PCDH15: variants seen among roughly 807,000 people sequenced by gnomAD.
The protein encoded by PCDH15 is protocadherin related 15, also known as protocadherin-15.
Under a neutral mutation model 178.5 loss-of-function variants are expected in PCDH15, and 129 were observed. The observed-to-expected ratio is 0.72, with a 90% confidence interval of 0.63 to 0.84. The LOEUF (loss-of-function observed/expected upper bound fraction) is 0.84, where lower values mean the gene tolerates loss of function less well. Ranked by LOEUF, PCDH15 falls within the 40% of genes least tolerant of loss-of-function variation. The pLI, the probability that PCDH15 is intolerant of heterozygous loss-of-function variation, is 0.00. For synonymous variants in PCDH15, 800 were observed against 732.0 expected (o/e 1.09, Z -1.50); for missense variants, 2,230 against 2,099.9 (o/e 1.06, Z -1.21).
At chr10:55,233,795 CT>C (rs1474357048) in intron 1 of PCDH15, among the ~76,000 whole-genome samples, 2 of 152,044 alleles carry the variant, frequency 1.3e-5, no homozygotes, top group African/African-American at 4.8e-5. Flanking sequence ...TAATTATTTC[CT>C]TTATTTTCTT....
intron 2 of PCDH15, among the ~76,000 whole-genome samples, chr10:55,454,553 G>A (rs532796886): frequency 7.3e-5 from 11 of 151,196 alleles, no homozygotes; most frequent in Middle Eastern, 6.9e-3. Flanking sequence ...TGAGGTGGGC[G>A]GATCATGAGA....
intron 3 of PCDH15, among the ~76,000 whole-genome samples, chr10:54,859,799 T>C (rs182761322): frequency 1.4e-3 from 218 of 151,932 alleles, no homozygotes; most frequent in Non-Finnish European, 2.4e-3. Context: ...TATGTGAACC[T>C]GAACAAATTA....
chr10:54,878,159 C>T (rs1954187385), intron 3 of PCDH15, among the ~76,000 whole-genome samples: 1 of 151,534 alleles, frequency 6.6e-6, no homozygotes, highest in South Asian at 2.1e-4. Flanking sequence ...GACGGGGTTT[C>T]GCCATGTTGT....
At chr10:54,766,917 G>A (rs376607887) in intron 1 of PCDH15, among the ~76,000 whole-genome samples, 19 of 150,422 alleles carry the variant, frequency 1.3e-4, no homozygotes, top group African/African-American at 1.7e-4. Context: ...GCGACAGAGC[G>A]AGACTCCATC....
rs903008588 is a variant in PCDH15, at chr10:55,608,184, C to A, written c.-156+19441G>T. On this transcript the variant is annotated intron_variant, in intron 2 of 5. Coordinates refer to the PCDH15 transcript ENST00000613346. Reference sequence around the variant, plus strand: ...AATTACAAACTTCACAGAAGAGACACAGCGAGTGACTATAATTTGTAAAAC... The same window carrying A: ...AATTACAAACTTCACAGAAGAGACAAAGCGAGTGACTATAATTTGTAAAAC... Among the ~76,000 whole-genome samples the A allele has an allele frequency of 4.0e-5, 6 of 150,716 alleles. No individual in the cohort carries two copies. The South Asian group carries it at 6.3e-4, about 16-fold the overall frequency.
At chr10:54,572,249 G>A (rs1260659571) in intron 2 of PCDH15, among the ~76,000 whole-genome samples, 1 of 151,966 alleles carries the variant, frequency 6.6e-6, no homozygotes, top group Non-Finnish European at 1.5e-5. Flanking sequence ...CTATGTGTTA[G>A]GGTAAAGCAA....
intron 9 of PCDH15, among the ~76,000 whole-genome samples, chr10:54,225,033 TTA>T (rs1554846424): frequency 6.6e-6 from 1 of 152,134 alleles, no homozygotes; most frequent in Non-Finnish European, 1.5e-5. Context: ...ACTAAAATTC[TTA>T]TCTTAGTAGC....
At chr10:54,140,172 T>C (rs1265241062) in intron 14 of PCDH15, among the ~76,000 whole-genome samples, 1 of 151,942 alleles carries the variant, frequency 6.6e-6, no homozygotes, top group African/African-American at 2.4e-5. Context: ...TATAAATTAT[T>C]GTAAAGAAAT....
chr10:54,149,945 A>G (rs2044359096), intron 14 of PCDH15, among the ~76,000 whole-genome samples: 2 of 152,100 alleles, frequency 1.3e-5, no homozygotes, highest in South Asian at 4.1e-4. Context: ...GGGGAGGAAG[A>G]GGGGCATTGA....
At chr10:54,258,878 A>AT (rs1389754939) in intron 8 of PCDH15, among the ~76,000 whole-genome samples, 1 of 152,172 alleles carries the variant, frequency 6.6e-6, no homozygotes, top group Non-Finnish European at 1.5e-5. Context: ...AAAACATAAA[A>AT]TGTCCTTTTG....
chr10:55,383,692 T>G (rs967067233), intron 2 of PCDH15, among the ~76,000 whole-genome samples: 1 of 152,156 alleles, frequency 6.6e-6, no homozygotes, highest in Non-Finnish European at 1.5e-5. Context: ...CATAGACACT[T>G]GTAGTAGTTT....
At chr10:54,807,614 A>T (rs1350812207) in intron 3 of PCDH15, among the ~76,000 whole-genome samples, 1 of 150,824 alleles carries the variant, frequency 6.6e-6, no homozygotes, top group Non-Finnish European at 1.5e-5. Context: ...AGAGAAGATT[A>T]CCAAGCTAGC....
At chr10:54,727,502 C>T (rs1312836938) in intron 1 of PCDH15, among the ~76,000 whole-genome samples, 3 of 150,816 alleles carry the variant, frequency 2.0e-5, no homozygotes, top group Admixed American at 1.3e-4. Context: ...AGACAGATTT[C>T]ACACTAACAA....
chr10:55,109,992 T>A (rs1183718631), intron 2 of PCDH15, among the ~76,000 whole-genome samples: 1 of 151,578 alleles, frequency 6.6e-6, no homozygotes, highest in Non-Finnish European at 1.5e-5. Context: ...CTTTCACATA[T>A]TGAAATCTAT....
At chr10:55,497,745 A>C (rs1224596639) in intron 2 of PCDH15, among the ~76,000 whole-genome samples, 2 of 151,914 alleles carry the variant, frequency 1.3e-5, no homozygotes, top group Non-Finnish European at 2.9e-5. Context: ...TTTTGTAAGA[A>C]TCTTTCTCTC....
At chr10:53,963,539 T>C (rs1178182995) in intron 21 of PCDH15, among the ~76,000 whole-genome samples, 1 of 152,192 alleles carries the variant, frequency 6.6e-6, no homozygotes, top group South Asian at 2.1e-4. Flanking sequence ...TTCATAAATA[T>C]CAAATTTTAA....
intron 3 of PCDH15, among the ~76,000 whole-genome samples, chr10:54,396,777 A>G (rs1198757589): frequency 6.6e-6 from 1 of 151,962 alleles, no homozygotes; most frequent in African/African-American, 2.4e-5. Flanking sequence ...ATGCAGCATC[A>G]GGAAATACTT....
intron 2 of PCDH15, among the ~76,000 whole-genome samples, chr10:55,037,283 G>T (rs1051748234): frequency 2.6e-5 from 4 of 151,966 alleles, no homozygotes; most frequent in Non-Finnish European, 5.9e-5. Context: ...GCCCAGGCTG[G>T]AGTGCAGTGG....
intron 10 of PCDH15, among the ~76,000 whole-genome samples, chr10:54,203,854 C>A (rs962977022): frequency 7.9e-5 from 12 of 152,100 alleles, no homozygotes; most frequent in Admixed American, 1.3e-4. Flanking sequence ...TCACGCATAT[C>A]CCTTTATTCC....
Sources: gnomAD v4.1 joint callset for allele counts (sites outside exome capture counted in the v4.1 genomes callset) on GRCh38, gnomAD v4.1.1 for gene constraint, MANE v1.5 for transcripts, NCBI Gene and HGNC (gene_info 2026-07-23, HGNC 2026-07-21) for gene names.